Variants in FSTL1 observed in about 807,000 individuals in gnomAD.
FSTL1 encodes follistatin like 1.
FSTL1 carries 24 observed loss-of-function variants against 45.9 expected under a neutral mutation model. That is an observed-to-expected ratio of 0.52 (90% CI 0.38 to 0.74). The LOEUF is 0.74. FSTL1 is among the 30% of genes least tolerant of loss of function. The probability of loss-of-function intolerance (pLI) is 0.00; values close to 1 mark genes in which losing one functional copy is unlikely to be tolerated. For missense variants in FSTL1, 340 were observed against 381.8 expected (o/e 0.89, Z 0.91); for synonymous variants, 120 against 137.6 (o/e 0.87, Z 0.89).
intron 2 of FSTL1, among the ~76,000 whole-genome samples, chr3:120,445,756 T>G (rs963641626): frequency 6.7e-6 from 1 of 149,834 alleles, no homozygotes; most frequent in Non-Finnish European, 1.5e-5. Flanking sequence ...GCTGCCACGA[T>G]TTAAAGCACC....
At chr3:120,433,911 A>C (rs1937514980) in intron 2 of FSTL1, among the ~76,000 whole-genome samples, 1 of 152,218 alleles carries the variant, frequency 6.6e-6, no homozygotes, top group African/African-American at 2.4e-5. Context: ...AAGCTGGGAA[A>C]AGCTGGCAAG....
intron 2 of FSTL1, chr3:120,423,824 G>A (rs1029292164): frequency 2.6e-5 from 4 of 152,140 alleles, no homozygotes; most frequent in Non-Finnish European, 5.9e-5. Flanking sequence ...TTTTTGTAAG[G>A]CTGCCACTAG....
chr3:120,450,881 T>C lies in FSTL1; in HGVS notation c.-1+16A>G, dbSNP rs923419660. On this transcript the variant is annotated intron_variant, in intron 1 of 10. Coordinates refer to ENST00000295633, the MANE Select transcript of FSTL1 (RefSeq NM_007085.5). ...CCCGAAGAGTCCGGCCTCCGCGCCG[T>C]GCGCCCTGCGCTCACCGTGGTCTGG... is the stretch of plus-strand genomic sequence containing the variant. 1 of 565,588 alleles carries C rather than the reference T, an allele frequency of 1.8e-6. No individual in the cohort carries two copies. The highest frequency in any genetic ancestry group is 3.0e-6 in the Non-Finnish European group (1 of 334,464). 35.0% of individuals were successfully genotyped at this position (565,588 alleles called of 1,614,324 possible). A position where few individuals can be genotyped will look rare whatever the true frequency, so the allele number is the denominator to read the frequency against.
chr3:120,414,376 G>C (rs1331481010), intron 3 of FSTL1, among the ~76,000 whole-genome samples: 1 of 152,196 alleles, frequency 6.6e-6, no homozygotes, highest in East Asian at 1.9e-4. Flanking sequence ...AGGAAGTGAG[G>C]AGCGTCTCTG....
intron 2 of FSTL1, among the ~76,000 whole-genome samples, chr3:120,442,983 A>G (rs1480289036): frequency 1.4e-5 from 2 of 143,918 alleles, no homozygotes; most frequent in Admixed American, 1.3e-4. Flanking sequence ...TGGGAGATAC[A>G]CCTAAGGCTA....
chr3:120,437,504 C>T (rs1937583565), intron 2 of FSTL1, among the ~76,000 whole-genome samples: 1 of 152,178 alleles, frequency 6.6e-6, no homozygotes, highest in East Asian at 1.9e-4. Context: ...AGAAAAGTCT[C>T]ACTATTAGAG....
chr3:120,423,233 AC>A (rs1271593034), intron 2 of FSTL1: 1 of 151,978 alleles, frequency 6.6e-6, no homozygotes, highest in East Asian at 1.9e-4. Flanking sequence ...GGCTCAGGCC[AC>A]CTTCACACGG....
rs1451472955 is a variant in FSTL1, at chr3:120,392,360, C to A, written c.*4592G>T. The stretch of plus-strand genomic sequence containing the variant: ...ATATAAAAAATAAAACAAGGAGTTA[C>A]CATTTTTCCTCTATCAGAGGCCAAA... On this transcript the variant is annotated 3_prime_UTR_variant, in exon 11 of 11. Coordinates refer to ENST00000295633, the MANE Select transcript of FSTL1 (RefSeq NM_007085.5). 6.6e-6 allele frequency: 1 copy of A among 152,148 alleles called. No individual in the cohort carries two copies. The highest frequency in any genetic ancestry group is 1.5e-5 in the Non-Finnish European group (1 of 68,006). The allele number at this position is 152,148 out of a possible 1,614,324, so 9.4% of individuals were successfully genotyped here.
intron 2 of FSTL1, chr3:120,423,794 G>A (rs1937327129): frequency 6.6e-6 from 1 of 152,128 alleles, no homozygotes; most frequent in African/African-American, 2.4e-5. Flanking sequence ...AAGATATCTT[G>A]TCACTCTTCC....
chr3:120,441,786 G>A (rs749128767), intron 2 of FSTL1, among the ~76,000 whole-genome samples: 4 of 152,208 alleles, frequency 2.6e-5, no homozygotes, highest in Non-Finnish European at 5.9e-5. Context: ...TGCTTTACAT[G>A]TAAGAGCTTA....
At chr3:120,434,415 C>A (rs943127219) in intron 2 of FSTL1, among the ~76,000 whole-genome samples, 2 of 152,138 alleles carry the variant, frequency 1.3e-5, no homozygotes, top group African/African-American at 4.8e-5. Flanking sequence ...CCTTGCCTTC[C>A]TGAGGAAACT....
chr3:120,442,933 G>C (rs1417915043), intron 2 of FSTL1, among the ~76,000 whole-genome samples: 41 of 129,304 alleles, frequency 3.2e-4, no homozygotes, highest in Non-Finnish European at 7.8e-5. Flanking sequence ...TCACACTCTG[G>C]GGACTGTTGT....
chr3:120,411,042 C>T (rs1937041226), intron 4 of FSTL1, 58 bp from the exon 5 acceptor site: 1 of 1,331,732 alleles, frequency 7.5e-7, no homozygotes, highest in African/African-American at 1.5e-5. Context: ...GAAAATTTTT[C>T]TGTATTTCTA....
rs548014516 is a variant in FSTL1 at position 120,396,248 on chromosome 3, A to T, written c.*704T>A. 6.6e-6 allele frequency: 1 copy of T among 152,466 alleles called. No individual in the cohort carries two copies. Among genetic ancestry groups the T allele is most frequent in the Admixed American group, 6.6e-5 (1 of 15,244 alleles). The allele number at this position is 152,466 out of a possible 1,614,324, so 9.4% of individuals were successfully genotyped here. A position where few individuals can be genotyped will look rare whatever the true frequency, so the allele number is the denominator to read the frequency against. On this transcript the variant is annotated 3_prime_UTR_variant, in exon 11 of 11. Coordinates refer to ENST00000295633, the MANE Select transcript of FSTL1 (RefSeq NM_007085.5). ...AATATTAAAAAACAATAATATAATGATAATAATTGAAGAATAAAGTCAACT... is the reference window on the plus strand; with the variant it reads ...AATATTAAAAAACAATAATATAATGTTAATAATTGAAGAATAAAGTCAACT...
intron 3 of FSTL1, among the ~76,000 whole-genome samples, chr3:120,413,980 G>T (rs1433904082): frequency 6.6e-6 from 1 of 151,830 alleles, no homozygotes; most frequent in African/African-American, 2.4e-5. Context: ...ACGGGGTTTC[G>T]CTGTGTTGGC....
chr3:120,401,424 GGCCATTTATACTGTTGC>G (rs1936823438), intron 9 of FSTL1, among the ~76,000 whole-genome samples: 5 of 152,034 alleles, frequency 3.3e-5, no homozygotes, highest in Non-Finnish European at 7.4e-5. Flanking sequence ...GATAGTACTG[GGCCATTTATACTGTTGC>G]TGTTCTCTAG....
intron 2 of FSTL1, 22 bp from the exon 3 acceptor site, chr3:120,416,049 G>C (rs200168307): frequency 8.5e-5 from 128 of 1,501,642 alleles, no homozygotes; most frequent in Non-Finnish European, 8.4e-6. Flanking sequence ...AATCATAAAG[G>C]AAACCGTGTG....
chr3:120,403,283 A>C lies in FSTL1; in HGVS notation c.653T>G (p.Phe218Cys). Residue 218 changes from phenylalanine (F) to cysteine (C), a missense_variant, in exon 8 of 11, where the codon TTT becomes TGT. Coordinates refer to ENST00000295633, the MANE Select transcript of FSTL1 (RefSeq NM_007085.5). ...NADWKLSFQE[F>C]LKCLNPSFNP... ...GAAAGATGGGTTGAGGCACTTGAGA[A>C]ACTCTTGGAAGCTGAGTTTCCAATC... is the stretch of plus-strand genomic sequence containing the variant. The C allele has an allele frequency of 6.2e-7, 1 of 1,612,008 alleles. No homozygotes were observed.
At chr3:120,441,386 T>C (rs551638522) in intron 2 of FSTL1, 1 of 152,342 alleles carries the variant, frequency 6.6e-6, no homozygotes, top group East Asian at 1.9e-4. Flanking sequence ...AGATGCTCCA[T>C]GAGTACTTCA....
Sources: allele counts gnomAD v4.1 joint callset (sites outside exome capture counted in the v4.1 genomes callset), GRCh38; gene constraint gnomAD v4.1.1; transcripts MANE v1.5; gene names NCBI Gene and HGNC (gene_info 2026-07-23, HGNC 2026-07-21).